Variants in DLG2 observed in about 807,000 individuals in gnomAD.
The protein encoded by DLG2 is disks large homolog 2.
DLG2 carries 45 observed loss-of-function variants against 132.5 expected under a neutral mutation model. The ratio of observed to expected loss-of-function variants is 0.34; its 90% CI spans 0.27 to 0.44. The LOEUF is 0.44. Ranked by LOEUF, DLG2 falls within the 20% of genes least tolerant of loss-of-function variation. The probability of loss-of-function intolerance (pLI) is 1.00; values close to 1 mark genes in which losing one functional copy is unlikely to be tolerated. For synonymous variants in DLG2, 424 were observed against 419.6 expected, an observed-to-expected ratio of 1.01 and a Z score of -0.13; for missense variants, 1,045 against 1,196.9, an observed-to-expected ratio of 0.87 and a Z score of 1.87.
At chr11:84,883,848 G>A (rs888824227) in intron 6 of DLG2, among the ~76,000 whole-genome samples, 4 of 152,012 alleles carry the variant, frequency 2.6e-5, no homozygotes, top group Non-Finnish European at 4.4e-5. Context: ...TAACCTGAAC[G>A]CTGTGTGTCT....
At chr11:85,021,268 C>T (rs1341150312) in intron 6 of DLG2, 5 of 1,298,518 alleles carry the variant, frequency 3.9e-6, no homozygotes, top group Middle Eastern at 1.9e-4. Flanking sequence ...AGGAGGTACA[C>T]GTGCTGGGTG....
chr11:85,495,488 T>G (rs1201932161), intron 3 of DLG2, among the ~76,000 whole-genome samples: 1 of 152,112 alleles, frequency 6.6e-6, no homozygotes, highest in East Asian at 1.9e-4. Flanking sequence ...GAATAGACAC[T>G]TCTCAAAGGA....
chr11:84,689,436 T>G (rs988556986), intron 6 of DLG2, among the ~76,000 whole-genome samples: 1 of 152,028 alleles, frequency 6.6e-6, no homozygotes, highest in Admixed American at 6.6e-5. Context: ...TCCTCCTCAA[T>G]AGAATATTTA....
intron 6 of DLG2, among the ~76,000 whole-genome samples, chr11:84,925,093 T>C (rs2092927340): frequency 6.6e-6 from 1 of 152,212 alleles, no homozygotes; most frequent in South Asian, 2.1e-4. Context: ...TTTAAAAACC[T>C]ACTTTATTCA....
At chr11:84,165,756 G>T (rs1168278776) in intron 8 of DLG2, among the ~76,000 whole-genome samples, 1 of 151,984 alleles carries the variant, frequency 6.6e-6, no homozygotes, top group Non-Finnish European at 1.5e-5. Flanking sequence ...AAATTAGCTG[G>T]GCATAGTGAC....
intron 6 of DLG2, among the ~76,000 whole-genome samples, chr11:84,731,433 T>G (rs891542005): frequency 1.3e-5 from 2 of 151,810 alleles, no homozygotes; most frequent in Non-Finnish European, 2.9e-5. Context: ...AGAGCATATA[T>G]AGGGGAATCT....
chr11:84,620,809 T>C (rs1216805061), intron 6 of DLG2, among the ~76,000 whole-genome samples: 4 of 152,092 alleles, frequency 2.6e-5, no homozygotes, highest in African/African-American at 7.2e-5. Context: ...TCTTGTCAAG[T>C]TGAATAGGTG....
intron 6 of DLG2, among the ~76,000 whole-genome samples, chr11:85,073,523 G>C (rs975193203): frequency 2.6e-5 from 4 of 151,802 alleles, no homozygotes; most frequent in South Asian, 4.2e-4. Flanking sequence ...TTGTGTTCTT[G>C]GTGTCTTCTT....
intron 18 of DLG2, among the ~76,000 whole-genome samples, chr11:83,774,875 A>G (rs1196085151): frequency 2.0e-5 from 3 of 152,176 alleles, no homozygotes; most frequent in Non-Finnish European, 4.4e-5. Context: ...TCTCTGGCAC[A>G]GAGAGGTTGT....
chr11:85,425,715 G>A (rs544761331), intron 3 of DLG2, among the ~76,000 whole-genome samples: 20 of 152,244 alleles, frequency 1.3e-4, no homozygotes, highest in Admixed American at 9.8e-4. Flanking sequence ...CATGAGCGAC[G>A]CAGAAGATGG....
intron 3 of DLG2, among the ~76,000 whole-genome samples, chr11:85,537,548 T>C (rs572563507): frequency 6.8e-6 from 1 of 147,884 alleles, no homozygotes; most frequent in Non-Finnish European, 1.5e-5. Context: ...CAACTCCAGA[T>C]GGGAGGAATG....
intron 18 of DLG2, among the ~76,000 whole-genome samples, chr11:83,750,935 A>C (rs935451032): frequency 6.6e-6 from 1 of 152,222 alleles, no homozygotes; most frequent in Non-Finnish European, 1.5e-5. Flanking sequence ...CAGATATTTT[A>C]CTAGGCACTA....
At chr11:85,400,041 G>C (rs286032) in intron 3 of DLG2, among the ~76,000 whole-genome samples, 116,850 of 151,522 alleles carry the variant, frequency 0.77, 45,602 homozygotes, top group Middle Eastern at 0.86. Flanking sequence ...ATCTGACAAA[G>C]GGCTAATATC....
chr11:84,433,133 C>T (rs1029115121), intron 7 of DLG2, among the ~76,000 whole-genome samples: 3 of 152,108 alleles, frequency 2.0e-5, no homozygotes, highest in African/African-American at 7.2e-5. Context: ...ACAGGTGTGT[C>T]TGTTAGATTA....
Position 84,934,506 on chromosome 11 carries a change from TTTTTTTTTGTTTTGTTTTG to T in DLG2, c.357+177136_357+177154del, listed in dbSNP as rs1437037416. The stretch of plus-strand genomic sequence containing the variant: ...TGTGAATCTGTATGGTCCTGGGTGT[TTTTTTTTTGTTTTGTTTTG>T]TTTTTTTTTTTTTTTTTTTTTGGTG... On this transcript the variant is annotated intron_variant, in intron 6 of 27. Transcript: ENST00000376104. 7.4e-4 allele frequency among the ~76,000 whole-genome samples: 54 copies of T among 72,930 alleles called. 3 individuals carry two copies. In the East Asian group the frequency reaches 0.041, roughly 56 times the overall value. 47.8% of individuals were successfully genotyped at this position (72,930 alleles called of 152,430 possible).
intron 6 of DLG2, among the ~76,000 whole-genome samples, chr11:84,637,944 AG>A (rs1272998833): frequency 6.6e-6 from 1 of 152,240 alleles, no homozygotes; most frequent in Non-Finnish European, 1.5e-5. Flanking sequence ...AAGCTCATTT[AG>A]CCTCTGCTAA....
intron 11 of DLG2, among the ~76,000 whole-genome samples, chr11:84,001,588 A>C (rs1746448170): frequency 6.6e-6 from 1 of 152,180 alleles, no homozygotes. Flanking sequence ...ACTTTAGATA[A>C]AATGGACCTA....
intron 3 of DLG2, among the ~76,000 whole-genome samples, chr11:85,517,892 A>G (rs746652952): frequency 3.3e-5 from 5 of 152,130 alleles, no homozygotes; most frequent in Non-Finnish European, 5.9e-5. Context: ...ATAGTGAAGT[A>G]AGTCTCACAA....
intron 15 of DLG2, among the ~76,000 whole-genome samples, chr11:83,903,621 C>T (rs991156825): frequency 1.3e-5 from 2 of 152,102 alleles, no homozygotes; most frequent in Non-Finnish European, 2.9e-5. Flanking sequence ...AAACTGGGGG[C>T]TTAGGCAAAT....
Sources: gnomAD v4.1 joint callset for allele counts (sites outside exome capture counted in the v4.1 genomes callset) on GRCh38, gnomAD v4.1.1 for gene constraint, MANE v1.5 for transcripts, NCBI Gene and HGNC (gene_info 2026-07-23, HGNC 2026-07-21) for gene names.